Variants in WWOX observed in about 807,000 individuals in gnomAD.
The protein encoded by WWOX is WW domain-containing oxidoreductase.
Under a neutral mutation model 46.2 loss-of-function variants are expected in WWOX, and 69 were observed. That is an observed-to-expected ratio of 1.49 (90% CI 1.23 to 1.82). The LOEUF (loss-of-function observed/expected upper bound fraction) is 1.82, where lower values mean the gene tolerates loss of function less well. Among genes scored for constraint, WWOX ranks in the 40% most tolerant of loss-of-function variants. WWOX has a pLI of 0.00. For synonymous variants in WWOX, 359 were observed against 202.6 expected, an observed-to-expected ratio of 1.77 and a Z score of -6.56; for missense variants, 919 against 542.6, an observed-to-expected ratio of 1.69 and a Z score of -6.89.
intron 8 of WWOX, among the ~76,000 whole-genome samples, chr16:78,740,882 A>G (rs2049206074): frequency 6.6e-6 from 1 of 151,822 alleles, no homozygotes; most frequent in Non-Finnish European, 1.5e-5. Context: ...TCCTTTGTCT[A>G]CTCACCAGCC....
chr16:78,715,097 A>C (rs2048530426), intron 8 of WWOX, among the ~76,000 whole-genome samples: 1 of 152,156 alleles, frequency 6.6e-6, no homozygotes, highest in Non-Finnish European at 1.5e-5. Context: ...CCTGGGCCAC[A>C]TAGTGAGACC....
At chr16:78,813,905 T>C (rs1359486732) in intron 8 of WWOX, among the ~76,000 whole-genome samples, 1 of 152,204 alleles carries the variant, frequency 6.6e-6, no homozygotes, top group Non-Finnish European at 1.5e-5. Context: ...CATTAATCTA[T>C]ATTAGAAAAT....
At chr16:78,147,683 T>TGTTTTTTTG (rs71384364) in intron 4 of WWOX, among the ~76,000 whole-genome samples, 1 of 109,710 alleles carries the variant, frequency 9.1e-6, no homozygotes, top group Non-Finnish European at 1.9e-5. Flanking sequence ...TCCTTTTTTT[T>TGTTTTTTTG]TTTTTTTTTT....
intron 8 of WWOX, among the ~76,000 whole-genome samples, chr16:78,440,903 G>A (rs2083430385): frequency 6.6e-6 from 1 of 152,118 alleles, no homozygotes; most frequent in Non-Finnish European, 1.5e-5. Flanking sequence ...TTCCAGGCAT[G>A]AGCCACTGTG....
intron 8 of WWOX, among the ~76,000 whole-genome samples, chr16:78,752,716 T>C (rs1182588571): frequency 6.6e-6 from 1 of 152,270 alleles, no homozygotes; most frequent in African/African-American, 2.4e-5. Flanking sequence ...CCCTGCTTTG[T>C]GCTAATGAGT....
intron 8 of WWOX, among the ~76,000 whole-genome samples, chr16:79,176,219 A>G (rs1463817201): frequency 1.3e-5 from 2 of 152,224 alleles, no homozygotes; most frequent in Non-Finnish European, 2.9e-5. Context: ...AGAAAGCAAC[A>G]TAAGTGGGTA....
intron 6 of WWOX, among the ~76,000 whole-genome samples, chr16:78,409,091 G>A (rs982673344): frequency 6.6e-6 from 1 of 152,140 alleles, no homozygotes; most frequent in Admixed American, 6.5e-5. Flanking sequence ...AGACCCTGTT[G>A]CTAAAGTCCC....
intron 5 of WWOX, among the ~76,000 whole-genome samples, chr16:78,351,400 G>C (rs1004661818): frequency 6.6e-6 from 1 of 152,186 alleles, no homozygotes; most frequent in Admixed American, 6.5e-5. Flanking sequence ...CGACTGCATT[G>C]GTTTAGCCAG....
At position 78,579,124 on chromosome 16, in the gene WWOX, C is replaced by G. The variant is rs531250355; in HGVS notation, c.1056+146372C>G. ...CGTCTTTGGCTGTGTTTTTCTGTTT[C>G]TAGTTATTGTGGGTGTTAAAAATCA... is the stretch of plus-strand genomic sequence containing the variant. On this transcript the variant is annotated intron_variant, in intron 8 of 8. Transcript: ENST00000566780. Among the ~76,000 whole-genome samples, 25 of 152,096 alleles carry G rather than the reference C, an allele frequency of 1.6e-4. No homozygotes were observed. In the South Asian group the frequency reaches 4.6e-3, roughly 28 times the overall value.
chr16:79,135,360 T>C (rs1450469785), intron 8 of WWOX, among the ~76,000 whole-genome samples: 2 of 152,198 alleles, frequency 1.3e-5, no homozygotes, highest in Non-Finnish European at 2.9e-5. Context: ...TTTATTTTCA[T>C]TTCTGTATAT....
intron 5 of WWOX, among the ~76,000 whole-genome samples, chr16:78,182,023 T>C (rs143879251): frequency 1.3e-5 from 2 of 152,300 alleles, no homozygotes; most frequent in East Asian, 3.9e-4. Flanking sequence ...GTCATCAGTC[T>C]GAAAGGATTG....
At position 78,342,211 on chromosome 16, in the gene WWOX, T is replaced by C. The variant is rs949955450; in HGVS notation, c.517-44649T>C. 1.6e-5 allele frequency among the ~76,000 whole-genome samples: 2 copies of C among 121,424 alleles called. 1 individual carries two copies. The highest frequency in any genetic ancestry group is 3.9e-5 in the Non-Finnish European group (2 of 50,696). The allele number at this position is 121,424 out of a possible 152,430, so 79.7% of individuals were successfully genotyped here. A position where few individuals can be genotyped will look rare whatever the true frequency, so the allele number is the denominator to read the frequency against. ...TTGGAGGGGACCTTTCTGGGGTCTT[T>C]TAGTCAGGGTACATAAGTGTCAGCT... On this transcript the variant is annotated intron_variant, in intron 5 of 8. Coordinates refer to ENST00000566780, the MANE Select transcript of WWOX (RefSeq NM_016373.4).
At chr16:78,404,305 A>G (rs901397025) in intron 6 of WWOX, among the ~76,000 whole-genome samples, 1 of 152,180 alleles carries the variant, frequency 6.6e-6, no homozygotes, top group African/African-American at 2.4e-5. Flanking sequence ...TTGTAATTCA[A>G]CAAAATTCTG....
chr16:78,139,517 C>T (rs1040697786), intron 4 of WWOX, among the ~76,000 whole-genome samples: 6 of 152,054 alleles, frequency 3.9e-5, no homozygotes, highest in East Asian at 3.9e-4. Context: ...TACTGGCAGG[C>T]GCCTATAATC....
At chr16:79,086,249 A>T (rs1369607020) in intron 8 of WWOX, among the ~76,000 whole-genome samples, 1 of 152,240 alleles carries the variant, frequency 6.6e-6, no homozygotes, top group Admixed American at 6.5e-5. Flanking sequence ...CTGTCTGAGA[A>T]GTTCAGGCAA....
At chr16:79,108,125 G>A (rs1181943583) in intron 8 of WWOX, among the ~76,000 whole-genome samples, 1 of 152,148 alleles carries the variant, frequency 6.6e-6, no homozygotes. Context: ...TAATTGGGGG[G>A]AAACCTAAAT....
intron 8 of WWOX, among the ~76,000 whole-genome samples, chr16:78,576,597 C>T (rs1246340161): frequency 6.6e-6 from 1 of 152,166 alleles, no homozygotes; most frequent in Admixed American, 6.5e-5. Context: ...CATTGGATGG[C>T]CCAGGCAGGA....
At chr16:78,522,924 T>C (rs2043380937) in intron 8 of WWOX, among the ~76,000 whole-genome samples, 1 of 152,040 alleles carries the variant, frequency 6.6e-6, no homozygotes, top group Non-Finnish European at 1.5e-5. Flanking sequence ...ATACAAAAAT[T>C]AGCCAGGCAT....
intron 8 of WWOX, among the ~76,000 whole-genome samples, chr16:79,198,694 G>T (rs2051289269): frequency 1.3e-5 from 2 of 152,236 alleles, no homozygotes; most frequent in African/African-American, 4.8e-5. Context: ...TAGTAGCTGT[G>T]TGACCTGGGG....
Sources: allele counts gnomAD v4.1 joint callset (sites outside exome capture counted in the v4.1 genomes callset), GRCh38; gene constraint gnomAD v4.1.1; transcripts MANE v1.5; gene names NCBI Gene and HGNC (gene_info 2026-07-23, HGNC 2026-07-21).